The following EXOC4 variants were observed in gnomAD, a reference collection of about 807,000 sequenced individuals.
The protein encoded by EXOC4 is exocyst complex component 4.
EXOC4 carries 71 observed loss-of-function variants against 107.2 expected under a neutral mutation model. The observed-to-expected ratio is 0.66, with a 90% confidence interval of 0.55 to 0.81. The LOEUF (loss-of-function observed/expected upper bound fraction) is 0.81, where lower values mean the gene tolerates loss of function less well. EXOC4 is among the 30% of genes least tolerant of loss of function. The pLI is 0.00. For synonymous variants in EXOC4, 456 were observed against 441.2 expected (o/e 1.03, Z -0.42); for missense variants, 1,108 against 1,189.6 (o/e 0.93, Z 1.01).
intron 10 of EXOC4, among the ~76,000 whole-genome samples, chr7:133,682,376 G>A (rs913328655): frequency 6.6e-6 from 1 of 152,132 alleles, no homozygotes; most frequent in Admixed American, 6.5e-5. Context: ...TCGTGATAGT[G>A]AATAAGTCTC....
the EXOC4 span, among the ~76,000 whole-genome samples, chr7:134,095,964 T>C: frequency 1.3e-5 from 2 of 152,092 alleles, no homozygotes; most frequent in African/African-American, 4.8e-5. Context: ...GTGACAAGTG[T>C]GACCTAATTA....
At chr7:133,783,812 G>A (rs1796514252) in intron 10 of EXOC4, among the ~76,000 whole-genome samples, 1 of 152,198 alleles carries the variant, frequency 6.6e-6, no homozygotes, top group Non-Finnish European at 1.5e-5. Flanking sequence ...TTGGGGCTGT[G>A]ATGCTTTCAA....
intron 7 of EXOC4, among the ~76,000 whole-genome samples, chr7:133,386,180 G>A (rs1196932176): frequency 6.6e-6 from 1 of 152,158 alleles, no homozygotes; most frequent in Non-Finnish European, 1.5e-5. Context: ...ATTGGTCTAA[G>A]CCTTTGCATT....
At chr7:133,716,665 G>A (rs978852720) in intron 10 of EXOC4, among the ~76,000 whole-genome samples, 4 of 152,122 alleles carry the variant, frequency 2.6e-5, no homozygotes, top group South Asian at 2.1e-4. Flanking sequence ...TTCTTTGGCC[G>A]GGCACTGTGG....
In EXOC4 at chr7:133,871,718, G is replaced by A. The variant is rs1408563045; in HGVS notation, c.1735-23881G>A. 2.0e-5 allele frequency among the ~76,000 whole-genome samples: 3 copies of A among 152,266 alleles called. No individual in the cohort carries two copies. In the East Asian group the frequency reaches 5.8e-4, roughly 29 times the overall value. ...CCAGTGGTTAAGAGCAAGGGCTCTG[G>A]AGACAGACTGACTGGCTTTGAATCT... On this transcript the variant is annotated intron_variant, in intron 11 of 17. Transcript: ENST00000253861.
intron 10 of EXOC4, among the ~76,000 whole-genome samples, chr7:133,801,172 G>C (rs1796933683): frequency 1.3e-5 from 2 of 152,134 alleles, no homozygotes; most frequent in Non-Finnish European, 2.9e-5. Flanking sequence ...GAGCCATGTA[G>C]TCTAAGGGTA....
intron 7 of EXOC4, among the ~76,000 whole-genome samples, chr7:133,459,422 G>C (rs1798537526): frequency 6.6e-6 from 1 of 152,172 alleles, no homozygotes. Context: ...GGCTGTGGTT[G>C]TCTTTTTGAG....
intron 10 of EXOC4, among the ~76,000 whole-genome samples, chr7:133,779,045 G>A (rs1478164612): frequency 6.6e-6 from 1 of 152,200 alleles, no homozygotes; most frequent in Non-Finnish European, 1.5e-5. Context: ...AGATAATGGA[G>A]GGATGATGAA....
chr7:133,722,430 C>T (rs1172666065), intron 10 of EXOC4, among the ~76,000 whole-genome samples: 1 of 152,074 alleles, frequency 6.6e-6, no homozygotes, highest in African/African-American at 2.4e-5. Context: ...CAAGATTCTA[C>T]AGAATGAGAA....
At chr7:133,801,162 G>C (rs1201629613) in intron 10 of EXOC4, among the ~76,000 whole-genome samples, 1 of 152,050 alleles carries the variant, frequency 6.6e-6, no homozygotes, top group East Asian at 1.9e-4. Flanking sequence ...ATCGGGAAAC[G>C]AGCCATGTAG....
chr7:133,896,364 A>G (rs761600158), intron 12 of EXOC4, among the ~76,000 whole-genome samples: 41 of 152,206 alleles, frequency 2.7e-4, no homozygotes, highest in Non-Finnish European at 4.7e-4. Context: ...GGTTCACAAG[A>G]CATGAAACAA....
intron 14 of EXOC4, among the ~76,000 whole-genome samples, chr7:133,976,865 T>C (rs1298448479): frequency 6.6e-6 from 1 of 152,214 alleles, no homozygotes; most frequent in Non-Finnish European, 1.5e-5. Flanking sequence ...AAATCAAATT[T>C]GACTTAATCC....
chr7:133,283,290 G>A (rs1330495688), intron 2 of EXOC4, among the ~76,000 whole-genome samples: 1 of 152,114 alleles, frequency 6.6e-6, no homozygotes, highest in African/African-American at 2.4e-5. Flanking sequence ...GCCCAGGCTG[G>A]TTTCAAACCC....
chr7:133,715,952 C>T (rs973064930), intron 10 of EXOC4, among the ~76,000 whole-genome samples: 1 of 152,090 alleles, frequency 6.6e-6, no homozygotes, highest in Non-Finnish European at 1.5e-5. Flanking sequence ...TATTCCTGTT[C>T]AAATGGGGAG....
Position 133,497,145 on chromosome 7 carries a change from A to G in EXOC4, c.1417+17007A>G, listed in dbSNP as rs374736262. On this transcript the variant is annotated intron_variant, in intron 9 of 17. Transcript: ENST00000253861. ...CAGAATGAGCTAGGAGCAGGTCCCT[A>G]TGCCTTAGATAAGATTGTGACCTTG... Among the ~76,000 whole-genome samples, 20 of 152,308 alleles carry G rather than the reference A, an allele frequency of 1.3e-4. No individual in the cohort carries two copies. The East Asian group carries it at 3.1e-3, about 24-fold the overall frequency.
chr7:133,796,619 G>A (rs564057882), intron 10 of EXOC4, among the ~76,000 whole-genome samples: 25 of 152,208 alleles, frequency 1.6e-4, no homozygotes, highest in African/African-American at 3.4e-4. Flanking sequence ...TTAGCTGGGC[G>A]TGGTGGCATG....
At chr7:133,659,289 T>A (rs1803378911) in intron 10 of EXOC4, among the ~76,000 whole-genome samples, 2 of 152,100 alleles carry the variant, frequency 1.3e-5, no homozygotes, top group Non-Finnish European at 2.9e-5. Flanking sequence ...ATAGAGTTGC[T>A]GAAGATTATT....
At chr7:133,763,612 G>A (rs763313899) in intron 10 of EXOC4, among the ~76,000 whole-genome samples, 45 of 151,432 alleles carry the variant, frequency 3.0e-4, no homozygotes, top group Non-Finnish European at 1.6e-4. Context: ...CTTAGTAAAT[G>A]TTAGCAGCTG....
intron 7 of EXOC4, among the ~76,000 whole-genome samples, chr7:133,387,345 G>A (rs1439362829): frequency 1.3e-5 from 2 of 152,138 alleles, no homozygotes; most frequent in African/African-American, 4.8e-5. Context: ...CATAAATATG[G>A]GAAGGTGCTT....
Sources: gnomAD v4.1 joint callset for allele counts (sites outside exome capture counted in the v4.1 genomes callset) on GRCh38, gnomAD v4.1.1 for gene constraint, MANE v1.5 for transcripts, NCBI Gene and HGNC (gene_info 2026-07-23, HGNC 2026-07-21) for gene names.